Variants in VPS8 observed in about 807,000 individuals in gnomAD.
The protein encoded by VPS8 is vacuolar protein sorting-associated protein 8 homolog.
A neutral mutation model predicts 216.4 loss-of-function variants in VPS8; 129 were observed. The ratio of observed to expected loss-of-function variants is 0.60; its 90% CI spans 0.52 to 0.69. The LOEUF is 0.69. Ranked by LOEUF, VPS8 falls within the 30% of genes least tolerant of loss-of-function variation. The pLI, the probability that VPS8 is intolerant of heterozygous loss-of-function variation, is 0.00. For synonymous variants in VPS8, 571 were observed against 565.4 expected (o/e 1.01, Z -0.14); for missense variants, 1,531 against 1,683.5 (o/e 0.91, Z 1.59).
chr3:184,925,930 C>T (rs569879084), intron 30 of VPS8, among the ~76,000 whole-genome samples: 4 of 151,184 alleles, frequency 2.6e-5, no homozygotes, highest in Non-Finnish European at 4.4e-5. Context: ...CATACCACCA[C>T]GCCCGGCTAA....
At chr3:184,909,557 A>AT (rs1027467791) in intron 25 of VPS8, among the ~76,000 whole-genome samples, 18 of 151,840 alleles carry the variant, frequency 1.2e-4, no homozygotes, top group South Asian at 4.2e-4. Flanking sequence ...CTGCTCAGTG[A>AT]TTTTTTTATT....
Position 184,843,251 on chromosome 3 carries a change from G to A in VPS8, c.541+6G>A. The A allele has an allele frequency of 2.1e-6, 3 of 1,408,314 alleles. No homozygotes were observed. Among genetic ancestry groups the A allele is most frequent in the East Asian group, 5.0e-5 (2 of 39,644 alleles). The allele number at this position is 1,408,314 out of a possible 1,614,324, so 87.2% of individuals were successfully genotyped here. A position where few individuals can be genotyped will look rare whatever the true frequency, so the allele number is the denominator to read the frequency against. On this transcript the variant is annotated splice_donor_region_variant and intron_variant, in intron 8 of 47. Transcript: ENST00000625842. ...CATGGATTCAAAAGGAAAAGGTATAGTAAGTAATTTTAGTTTGCATGAATG... is the reference window on the plus strand; with the variant it reads ...CATGGATTCAAAAGGAAAAGGTATAATAAGTAATTTTAGTTTGCATGAATG...
rs1292563371 is a variant in VPS8 at position 184,869,047 on chromosome 3, A to G, written c.1597+11A>G. 2 of 1,597,354 alleles carry G rather than the reference A, an allele frequency of 1.3e-6. No homozygotes were observed. Among genetic ancestry groups the G allele is most frequent in the Admixed American group, 1.7e-5 (1 of 57,532 alleles). On this transcript the variant is annotated intron_variant, in intron 19 of 47. Transcript: ENST00000625842. ...CAAAAGCAGTAGTGGGTGAGTAGGCAGAATTCCAGTGTAGTAGACGTGGTT... is the reference window on the plus strand; with the variant it reads ...CAAAAGCAGTAGTGGGTGAGTAGGCGGAATTCCAGTGTAGTAGACGTGGTT...
chr3:184,882,425 G>A, intron 21 of VPS8: 1 of 451,912 alleles, frequency 2.2e-6, no homozygotes, highest in Non-Finnish European at 4.4e-6. Context: ...AACCTCACTT[G>A]GTCATGAGGT....
chr3:184,986,574 A>C (rs1295573977), intron 42 of VPS8, among the ~76,000 whole-genome samples: 3 of 152,170 alleles, frequency 2.0e-5, no homozygotes, highest in African/African-American at 7.2e-5. Context: ...CTCACTTCTC[A>C]TGAAGGAGAC....
intron 1 of VPS8, among the ~76,000 whole-genome samples, chr3:184,821,667 A>G (rs952777862): frequency 2.6e-5 from 4 of 151,970 alleles, no homozygotes; most frequent in African/African-American, 9.7e-5. Flanking sequence ...TCGTTTTTTT[A>G]GATAGGTTTC....
At chr3:185,007,360 A>G (rs1427148396) in intron 45 of VPS8, among the ~76,000 whole-genome samples, 1 of 152,206 alleles carries the variant, frequency 6.6e-6, no homozygotes, top group Non-Finnish European at 1.5e-5. Context: ...ATACAATCAA[A>G]TAATTTAAAT....
intron 46 of VPS8, among the ~76,000 whole-genome samples, chr3:185,027,433 G>T (rs1397508342): frequency 6.6e-6 from 1 of 151,002 alleles, no homozygotes. Flanking sequence ...TAGTAGAGAC[G>T]GGGTTTCACT....
At chr3:184,954,045 C>T (rs1745163437) in intron 36 of VPS8, among the ~76,000 whole-genome samples, 1 of 152,194 alleles carries the variant, frequency 6.6e-6, no homozygotes, top group African/African-American at 2.4e-5. Flanking sequence ...ACCCTTGACC[C>T]TCCTCCGCAG....
chr3:184,849,070 G>C lies in VPS8; in HGVS notation c.542-1G>C. The C allele has an allele frequency of 6.2e-7, 1 of 1,612,602 alleles. No individual in the cohort carries two copies. Among genetic ancestry groups the C allele is most frequent in the Non-Finnish European group, 8.5e-7 (1 of 1,179,028 alleles). ...TTGACTTTAAAAACTGCTTTCTTTA[G>C]ATCAGAATCAAGCTTTGCGACTCTG... On this transcript the variant is annotated splice_acceptor_variant, in intron 8 of 47. Coordinates refer to ENST00000625842, the MANE Select transcript of VPS8 (RefSeq NM_001009921.3). LOFTEE classifies it high-confidence loss of function.
rs1308775502 is a variant in VPS8, at chr3:184,926,590, C to T, written c.2575-4C>T. On this transcript the variant is annotated splice_polypyrimidine_tract_variant and splice_region_variant and intron_variant, in intron 30 of 47. Transcript: ENST00000625842. ...CAAATAAAAAATACTTTTTCTTCGG[C>T]CAGGTCCTTGAATTCCTTTGTAGTC... 3 of 1,595,302 alleles carry T rather than the reference C, an allele frequency of 1.9e-6. No homozygotes were observed. The highest frequency in any genetic ancestry group is 1.7e-5 in the Admixed American group (1 of 57,316).
At chr3:184,877,712 G>C (rs1368858366) in intron 21 of VPS8, among the ~76,000 whole-genome samples, 1 of 152,150 alleles carries the variant, frequency 6.6e-6, no homozygotes, top group African/African-American at 2.4e-5. Context: ...CCTCGACCCT[G>C]TACTGTACTA....
intron 21 of VPS8, among the ~76,000 whole-genome samples, chr3:184,882,193 A>C (rs1330181459): frequency 6.6e-6 from 1 of 152,040 alleles, no homozygotes; most frequent in African/African-American, 2.4e-5. Context: ...ATGAAGTATA[A>C]TATTAGCTGT....
chr3:184,988,103 A>G (rs1054885963), intron 42 of VPS8, among the ~76,000 whole-genome samples: 3 of 151,832 alleles, frequency 2.0e-5, no homozygotes, highest in Admixed American at 6.6e-5. Context: ...ATTTTCTCCC[A>G]CTCTGTGGCT....
intron 15 of VPS8, among the ~76,000 whole-genome samples, chr3:184,862,315 A>C (rs1348903472): frequency 6.6e-6 from 1 of 152,224 alleles, no homozygotes; most frequent in Non-Finnish European, 1.5e-5. Flanking sequence ...CCTTCAGAAG[A>C]TTTTTAAAGT....
At chr3:184,943,254 A>G (rs1743066069) in intron 36 of VPS8, among the ~76,000 whole-genome samples, 1 of 152,230 alleles carries the variant, frequency 6.6e-6, no homozygotes, top group South Asian at 2.1e-4. Flanking sequence ...TAAATGACAT[A>G]TGAAAACAAT....
rs1398767228 is a variant in VPS8 at position 184,925,802 on chromosome 3, C to G, written c.2575-792C>G. Among the ~76,000 whole-genome samples, 14 of 136,618 alleles carry G rather than the reference C, an allele frequency of 1.0e-4. No homozygotes were observed. In the East Asian group the frequency reaches 3.0e-3, roughly 29 times the overall value. The allele number at this position is 136,618 out of a possible 152,430, so 89.6% of individuals were successfully genotyped here. On this transcript the variant is annotated intron_variant, in intron 30 of 47. Coordinates refer to ENST00000625842, the MANE Select transcript of VPS8 (RefSeq NM_001009921.3). Reference sequence around the variant, plus strand: ...TTTTTTTTTTTTTTTGAGACAGAGTCTGGCTCTGTCGCCTAGGCTGGAGTG... The same window carrying G: ...TTTTTTTTTTTTTTTGAGACAGAGTGTGGCTCTGTCGCCTAGGCTGGAGTG...
chr3:184,950,405 G>A (rs4642098), intron 36 of VPS8, among the ~76,000 whole-genome samples: 150,911 of 151,290 alleles, frequency 1, 75,268 homozygotes, highest in Non-Finnish European at 1. Flanking sequence ...AATTGTAAAA[G>A]CAATATATGA....
rs80287852 is a variant in VPS8 at position 184,936,111 on chromosome 3, C to A, written c.2899-135C>A. The A allele has an allele frequency of 2.6e-4, 154 of 591,506 alleles. 4 individuals carry two copies. The South Asian group carries it at 4.7e-3, about 18-fold the overall frequency. The allele number at this position is 591,506 out of a possible 1,614,324, so 36.6% of individuals were successfully genotyped here. A position where few individuals can be genotyped will look rare whatever the true frequency, so the allele number is the denominator to read the frequency against. ...TTGCAAAGTGCGCTTTAAATTGAGG[C>A]CCTATATCAAGGTCTGCTGAAATGC... On this transcript the variant is annotated intron_variant, in intron 34 of 47. Transcript: ENST00000625842.
Sources: gnomAD v4.1 joint callset for allele counts (sites outside exome capture counted in the v4.1 genomes callset) on GRCh38, gnomAD v4.1.1 for gene constraint, MANE v1.5 for transcripts, NCBI Gene and HGNC (gene_info 2026-07-23, HGNC 2026-07-21) for gene names.